The following XKR4 variants were observed in gnomAD, a reference collection of about 807,000 sequenced individuals.
XKR4 encodes the protein XK related 4, also known as XK-related protein 4.
Under a neutral mutation model 53.9 loss-of-function variants are expected in XKR4, and 12 were observed. That is an observed-to-expected ratio of 0.22 (90% CI 0.14 to 0.36). XKR4 has a LOEUF of 0.36. XKR4 is among the 10% of genes least tolerant of loss of function. The pLI is 1.00. For synonymous variants in XKR4, 354 were observed against 362.4 expected, an observed-to-expected ratio of 0.98 and a Z score of 0.26; for missense variants, 799 against 859.5, an observed-to-expected ratio of 0.93 and a Z score of 0.88.
chr8:55,194,534 C>T (rs528848414), intron 1 of XKR4, among the ~76,000 whole-genome samples: 1 of 152,144 alleles, frequency 6.6e-6, no homozygotes, highest in Non-Finnish European at 1.5e-5. Flanking sequence ...TTTAAGGCAG[C>T]GGTCTTCAAA....
intron 1 of XKR4, among the ~76,000 whole-genome samples, chr8:55,290,683 T>A (rs1819005849): frequency 6.6e-6 from 1 of 152,272 alleles, no homozygotes; most frequent in East Asian, 1.9e-4. Context: ...TATATCCTCC[T>A]TGGTGAAAAT....
intron 2 of XKR4, among the ~76,000 whole-genome samples, chr8:55,363,548 G>A (rs894015811): frequency 6.6e-6 from 1 of 152,166 alleles, no homozygotes. Context: ...GTCCTCTCCT[G>A]TTGAGCACTC....
At chr8:55,161,247 C>T (rs551464807) in intron 1 of XKR4, among the ~76,000 whole-genome samples, 25 of 152,294 alleles carry the variant, frequency 1.6e-4, no homozygotes, top group Admixed American at 3.3e-4. Context: ...GCAATAAAAC[C>T]GGAAGCTCTC....
chr8:55,426,721 G>T (rs184061160), intron 2 of XKR4, among the ~76,000 whole-genome samples: 4 of 152,224 alleles, frequency 2.6e-5, no homozygotes, highest in African/African-American at 9.6e-5. Flanking sequence ...AAATTGAGCC[G>T]GAGGCAACTC....
At chr8:55,345,145 G>C (rs1379249030) in intron 1 of XKR4, among the ~76,000 whole-genome samples, 1 of 151,904 alleles carries the variant, frequency 6.6e-6, no homozygotes, top group Non-Finnish European at 1.5e-5. Flanking sequence ...AGCTGGGTGT[G>C]GTGGTGCACA....
chr8:55,249,906 A>T (rs765645142), intron 1 of XKR4, among the ~76,000 whole-genome samples: 32 of 152,242 alleles, frequency 2.1e-4, no homozygotes, highest in Admixed American at 6.5e-5. Flanking sequence ...CTAATGTATA[A>T]GAATGTGAGT....
chr8:55,407,303 C>A (rs1434503275), intron 2 of XKR4, among the ~76,000 whole-genome samples: 1 of 152,198 alleles, frequency 6.6e-6, no homozygotes, highest in Non-Finnish European at 1.5e-5. Context: ...TGAAGCGGGG[C>A]TTTCGCACTG....
chr8:55,142,331 C>T, intron 1 of XKR4: 1 of 366,138 alleles, frequency 2.7e-6, no homozygotes, highest in East Asian at 7.3e-5. Context: ...TGGCTGCCTG[C>T]CCTCTTTCCT....
chr8:55,175,921 T>C (rs1295530933), intron 1 of XKR4, among the ~76,000 whole-genome samples: 1 of 152,230 alleles, frequency 6.6e-6, no homozygotes, highest in Non-Finnish European at 1.5e-5. Flanking sequence ...CTAGTTATTG[T>C]TGTTAGAAGA....
chr8:55,454,308 C>G (rs1236584071), intron 2 of XKR4: 19 of 1,471,716 alleles, frequency 1.3e-5, no homozygotes, highest in East Asian at 2.3e-5. Context: ...GCATTGACCC[C>G]GATTATGAAG....
chr8:55,130,830 C>T (rs1250319289), intron 1 of XKR4, among the ~76,000 whole-genome samples: 5 of 152,140 alleles, frequency 3.3e-5, no homozygotes, highest in African/African-American at 1.2e-4. Flanking sequence ...ATTGACCTTT[C>T]ACGGCCTTGC....
intron 2 of XKR4, among the ~76,000 whole-genome samples, chr8:55,392,881 G>A (rs960183035): frequency 6.6e-6 from 1 of 152,004 alleles, no homozygotes; most frequent in Non-Finnish European, 1.5e-5. Context: ...ATTAACTAGG[G>A]TACCAACTTT....
chr8:55,423,826 C>G (rs945072749), intron 2 of XKR4, among the ~76,000 whole-genome samples: 1 of 152,186 alleles, frequency 6.6e-6, no homozygotes, highest in African/African-American at 2.4e-5. Flanking sequence ...TGAAATGCAC[C>G]ATTCTTGTCA....
chr8:55,246,316 A>G (rs912476830), intron 1 of XKR4, among the ~76,000 whole-genome samples: 1 of 152,226 alleles, frequency 6.6e-6, no homozygotes, highest in Non-Finnish European at 1.5e-5. Context: ...ATCTGAGGGC[A>G]GCCACTAGGG....
rs10685965 is a variant in XKR4, at chr8:55,346,685, ATG to A, written c.807-10953_807-10952del. Among the ~76,000 whole-genome samples the A allele has an allele frequency of 3.6e-3, 505 of 138,410 alleles. 1 individual carries two copies. The highest frequency in any genetic ancestry group is 0.012 in the East Asian group (56 of 4,630). The allele number at this position is 138,410 out of a possible 152,430, so 90.8% of individuals were successfully genotyped here. A position where few individuals can be genotyped will look rare whatever the true frequency, so the allele number is the denominator to read the frequency against. On this transcript the variant is annotated intron_variant, in intron 1 of 2. Transcript: ENST00000327381. ...ACAAAAACAGAAACCTGTTGAGGTT[ATG>A]TGTGTGTGTGTGTGTGTGTGTGTGT...
chr8:55,511,170 A>G (rs1806620189), intron 2 of XKR4, among the ~76,000 whole-genome samples: 1 of 152,152 alleles, frequency 6.6e-6, no homozygotes, highest in Non-Finnish European at 1.5e-5. Context: ...CCGTGGTTCC[A>G]GTCCCTTCCC....
intron 1 of XKR4, among the ~76,000 whole-genome samples, chr8:55,137,671 T>C (rs773778004): frequency 6.6e-6 from 1 of 151,648 alleles, no homozygotes. Flanking sequence ...TCAAGTGATC[T>C]TCCTGCTTCA....
At chr8:55,460,462 A>G (rs1805637817) in intron 2 of XKR4, among the ~76,000 whole-genome samples, 1 of 152,270 alleles carries the variant, frequency 6.6e-6, no homozygotes, top group African/African-American at 2.4e-5. Flanking sequence ...ACCAATAGAT[A>G]TTTATCAAAG....
At position 55,452,779 on chromosome 8, in the gene XKR4, C is replaced by T. The variant is rs1405444487; in HGVS notation, c.1007-70502C>T. On this transcript the variant is annotated intron_variant, in intron 2 of 2. Transcript: ENST00000327381. ...CTCCCCGTGTCATAGCTCTCAGCCA[C>T]ACTGCCAGCCATGCTGTTGGGGACC... The T allele has an allele frequency of 1.3e-5, 10 of 792,766 alleles. No homozygotes were observed. The Admixed American group carries it at 1.4e-4, about 11-fold the overall frequency. The allele number at this position is 792,766 out of a possible 1,614,324, so 49.1% of individuals were successfully genotyped here.
Sources: gnomAD v4.1 joint callset for allele counts (sites outside exome capture counted in the v4.1 genomes callset) on GRCh38, gnomAD v4.1.1 for gene constraint, MANE v1.5 for transcripts, NCBI Gene and HGNC (gene_info 2026-07-23, HGNC 2026-07-21) for gene names.